Variants in LRMDA observed in about 807,000 individuals in gnomAD.
LRMDA encodes the protein leucine-rich melanocyte differentiation-associated protein.
LRMDA carries 18 observed loss-of-function variants against 29.8 expected under a neutral mutation model. That is an observed-to-expected ratio of 0.60 (90% CI 0.42 to 0.90). The LOEUF (loss-of-function observed/expected upper bound fraction) is 0.90. Among genes scored for constraint, LRMDA ranks in the 40% least tolerant of loss-of-function variants. The pLI, the probability that LRMDA is intolerant of heterozygous loss-of-function variation, is 0.00. For synonymous variants in LRMDA, 125 were observed against 109.4 expected, an observed-to-expected ratio of 1.14 and a Z score of -0.89; for missense variants, 273 against 273.9, an observed-to-expected ratio of 1.00 and a Z score of 0.02.
intron 2 of LRMDA, among the ~76,000 whole-genome samples, chr10:75,994,709 C>T (rs76077216): frequency 0.031 from 4,680 of 152,242 alleles, 84 homozygotes; most frequent in Middle Eastern, 0.054. Context: ...CTGAAGTCAC[C>T]GTGTTTTTTA....
rs369457175 is a variant in LRMDA at position 75,652,603 on chromosome 10, G to A, written c.131+214109G>A. The stretch of plus-strand genomic sequence containing the variant: ...TACTTTGTTTTAATCTTTGGGTCTA[G>A]AACTGACTTTCTCATAAAATGTACA... On this transcript the variant is annotated intron_variant, in intron 2 of 6. Transcript: ENST00000611255. Among the ~76,000 whole-genome samples, 13 of 152,328 alleles carry A rather than the reference G, an allele frequency of 8.5e-5. No individual in the cohort carries two copies. The South Asian group carries it at 1.2e-3, about 15-fold the overall frequency.
intron 5 of LRMDA, among the ~76,000 whole-genome samples, chr10:76,198,738 A>G (rs1228686436): frequency 6.6e-6 from 1 of 152,206 alleles, no homozygotes; most frequent in Admixed American, 6.5e-5. Context: ...TCTCCAGATT[A>G]TGCATATGTT....
At chr10:76,415,410 G>C (rs2132513455) in intron 6 of LRMDA, among the ~76,000 whole-genome samples, 1 of 152,172 alleles carries the variant, frequency 6.6e-6, no homozygotes, top group East Asian at 1.9e-4. Flanking sequence ...AGCTTAGTAT[G>C]GACACAAGAG....
chr10:75,697,575 G>A (rs935234720), intron 2 of LRMDA, among the ~76,000 whole-genome samples: 3 of 151,522 alleles, frequency 2.0e-5, no homozygotes, highest in African/African-American at 7.3e-5. Context: ...TTATAACCCA[G>A]GATTTTGGCA....
At chr10:75,838,281 A>C (rs1316699689) in intron 2 of LRMDA, among the ~76,000 whole-genome samples, 1 of 152,240 alleles carries the variant, frequency 6.6e-6, no homozygotes, top group African/African-American at 2.4e-5. Flanking sequence ...AAATACTAAT[A>C]TAATATCCAG....
chr10:75,740,157 G>A (rs954270071), intron 2 of LRMDA, among the ~76,000 whole-genome samples: 3 of 152,164 alleles, frequency 2.0e-5, no homozygotes, highest in African/African-American at 4.8e-5. Flanking sequence ...AAATAAATGC[G>A]TGCTTTTAGA....
intron 2 of LRMDA, among the ~76,000 whole-genome samples, chr10:76,017,599 A>G (rs1167530577): frequency 6.6e-6 from 1 of 152,190 alleles, no homozygotes; most frequent in African/African-American, 2.4e-5. Flanking sequence ...TACCTTCAGG[A>G]GTCTCCATTC....
chr10:75,973,072 G>A (rs1390087491), intron 2 of LRMDA, among the ~76,000 whole-genome samples: 2 of 149,780 alleles, frequency 1.3e-5, no homozygotes, highest in Non-Finnish European at 3.0e-5. Flanking sequence ...AGCAGCAGCA[G>A]CTACTCCTGT....
intron 2 of LRMDA, among the ~76,000 whole-genome samples, chr10:75,648,998 G>A (rs761141580): frequency 6.6e-6 from 1 of 152,158 alleles, no homozygotes; most frequent in African/African-American, 2.4e-5. Context: ...CCATTTTAAA[G>A]TATACAGTTC....
chr10:75,558,492 A>C (rs1298210101), intron 2 of LRMDA, among the ~76,000 whole-genome samples: 1 of 152,064 alleles, frequency 6.6e-6, no homozygotes, highest in Non-Finnish European at 1.5e-5. Context: ...TCTTTTTGAA[A>C]TGAGATGGAG....
At chr10:76,287,171 A>G (rs763497112) in intron 5 of LRMDA, among the ~76,000 whole-genome samples, 12 of 147,004 alleles carry the variant, frequency 8.2e-5, no homozygotes, top group Admixed American at 3.5e-4. Flanking sequence ...ACTTATCTCT[A>G]CATTTTGGTG....
intron 2 of LRMDA, among the ~76,000 whole-genome samples, chr10:75,826,928 C>T (rs10740452): frequency 8.6e-5 from 13 of 151,856 alleles, no homozygotes; most frequent in African/African-American, 2.7e-4. Context: ...CTCTTGTGAG[C>T]GCTCTGTATA....
intron 2 of LRMDA, among the ~76,000 whole-genome samples, chr10:76,011,842 A>T (rs571660573): frequency 6.6e-6 from 1 of 152,204 alleles, no homozygotes; most frequent in African/African-American, 2.4e-5. Flanking sequence ...CTGAGGGGAG[A>T]TGCATAGGCA....
intron 2 of LRMDA, among the ~76,000 whole-genome samples, chr10:75,885,211 G>T (rs1451083693): frequency 1.3e-5 from 2 of 152,182 alleles, no homozygotes. Context: ...CAATGCTGCC[G>T]CCACATCCTG....
intron 5 of LRMDA, among the ~76,000 whole-genome samples, chr10:76,221,717 C>T (rs1344032823): frequency 6.6e-6 from 1 of 152,080 alleles, no homozygotes; most frequent in Non-Finnish European, 1.5e-5. Context: ...AGATTCAATG[C>T]CATCCCCATC....
chr10:76,185,688 C>G (rs185311328), intron 5 of LRMDA, among the ~76,000 whole-genome samples: 10 of 152,262 alleles, frequency 6.6e-5, no homozygotes, highest in African/African-American at 2.2e-4. Flanking sequence ...GACAGGATGC[C>G]GGGCACATTT....
At chr10:75,769,764 G>T (rs931672377) in intron 2 of LRMDA, among the ~76,000 whole-genome samples, 7 of 152,066 alleles carry the variant, frequency 4.6e-5, no homozygotes, top group Non-Finnish European at 1.0e-4. Flanking sequence ...TCCTGTTCTT[G>T]TCTTGTGTAG....
chr10:75,965,452 G>T (rs1268300444), intron 2 of LRMDA, among the ~76,000 whole-genome samples: 1 of 152,136 alleles, frequency 6.6e-6, no homozygotes, highest in African/African-American at 2.4e-5. Flanking sequence ...TTATGTTTAT[G>T]GAGCATGACT....
chr10:75,497,068 G>A (rs1845052920), intron 2 of LRMDA, among the ~76,000 whole-genome samples: 1 of 151,980 alleles, frequency 6.6e-6, no homozygotes, highest in African/African-American at 2.4e-5. Flanking sequence ...ATGCATGGGT[G>A]GGGAAGGGTG....
Sources: allele counts gnomAD v4.1 joint callset (sites outside exome capture counted in the v4.1 genomes callset), GRCh38; gene constraint gnomAD v4.1.1; transcripts MANE v1.5; gene names NCBI Gene and HGNC (gene_info 2026-07-23, HGNC 2026-07-21).